The following HACL2 variants were observed in gnomAD, a reference collection of about 807,000 sequenced individuals.
The protein encoded by HACL2 is 2-hydroxyacyl-CoA lyase 1 like.
chr19:15,115,189 T>G, the HACL2 span: 1 of 1,598,864 alleles, frequency 6.3e-7, no homozygotes, highest in Non-Finnish European at 8.6e-7. Flanking sequence ...ATGATGAGAC[T>G]CCAAACCAGC....
At chr19:15,125,078 G>A in the HACL2 span, 2 of 1,523,104 alleles carry the variant, frequency 1.3e-6, no homozygotes, top group Admixed American at 2.2e-5. Context: ...ACCTAAGAGA[G>A]AAAGGGCACT....
At chr19:15,115,303 G>T in the HACL2 span, 1 of 1,614,186 alleles carries the variant, frequency 6.2e-7, no homozygotes, top group South Asian at 1.1e-5. Context: ...TGAGGATGTT[G>T]ACCACAACCG....
chr19:15,120,986 C>T, the HACL2 span, among the ~76,000 whole-genome samples: 2 of 152,006 alleles, frequency 1.3e-5, no homozygotes, highest in Non-Finnish European at 2.9e-5. Flanking sequence ...GAGAGGCAGC[C>T]CAAGAGAGAG....
At chr19:15,116,505 C>T in the HACL2 span, 245 of 1,613,440 alleles carry the variant, frequency 1.5e-4, no homozygotes, top group African/African-American at 9.6e-4. Context: ...AACTTCAGCA[C>T]GAAGGAACCC....
At chr19:15,118,488 ATAGAGACCTGTG>A in the HACL2 span, among the ~76,000 whole-genome samples, 5 of 151,940 alleles carry the variant, frequency 3.3e-5, no homozygotes, top group African/African-American at 1.2e-4. Flanking sequence ...GGAGCCACAC[ATAGAGACCTGTG>A]TAGTTGCCCT....
At chr19:15,115,162 T>C in the HACL2 span, 3 of 1,468,486 alleles carry the variant, frequency 2.0e-6, no homozygotes, top group Non-Finnish European at 2.9e-6. Flanking sequence ...CCTCATGGGA[T>C]AGGCCCAGGG....
the HACL2 span, chr19:15,117,342 C>A: frequency 6.5e-6 from 1 of 154,520 alleles, no homozygotes; most frequent in Admixed American, 6.4e-5. Flanking sequence ...CGTTTTCAAG[C>A]CTCCCTCTGT....
chr19:15,116,370 G>A, the HACL2 span: 1 of 1,613,774 alleles, frequency 6.2e-7, no homozygotes, highest in Non-Finnish European at 8.5e-7. Flanking sequence ...GGGTCTGCCG[G>A]GAACCCCCTT....
chr19:15,122,713 G>A, the HACL2 span: 11 of 1,614,010 alleles, frequency 6.8e-6, no homozygotes, highest in African/African-American at 8.0e-5. This position sits in a 1 kb window ranked among gnomAD's most constrained non-coding sequence, Gnocchi z 4.0. Context: ...CTCGGCCCAC[G>A]AGGCCCTTGG....
chr19:15,123,242 C>T, the HACL2 span: 2 of 1,613,766 alleles, frequency 1.2e-6, no homozygotes, highest in African/African-American at 1.3e-5. The surrounding 1 kb of genome is among the most constrained non-coding windows in gnomAD (Gnocchi z 5.1). Flanking sequence ...CGCCCACCGT[C>T]CCTGGAACAC....
At chr19:15,122,970 A>G in the HACL2 span, 1 of 1,603,864 alleles carries the variant, frequency 6.2e-7, no homozygotes, top group Non-Finnish European at 8.5e-7. This position sits in a 1 kb window ranked among gnomAD's most constrained non-coding sequence, Gnocchi z 4.0. Context: ...ACAGACACAC[A>G]AAACTTACAG....
At chr19:15,122,899 G>A in the HACL2 span, 1 of 1,610,306 alleles carries the variant, frequency 6.2e-7, no homozygotes, top group Non-Finnish European at 8.5e-7. This position sits in a 1 kb window ranked among gnomAD's most constrained non-coding sequence, Gnocchi z 4.0. Context: ...TACCTGGGGT[G>A]CCCGACTGGG....
chr19:15,116,355 C>T, the HACL2 span: 2 of 1,614,004 alleles, frequency 1.2e-6, no homozygotes, highest in Non-Finnish European at 1.7e-6. Context: ...CCAGGGTTGG[C>T]AGCAGGGTCT....
chr19:15,121,899 CTTT>C, the HACL2 span, among the ~76,000 whole-genome samples: 2 of 137,120 alleles, frequency 1.5e-5, no homozygotes, highest in African/African-American at 2.7e-5. Flanking sequence ...GGCTCTGCCA[CTTT>C]TTTTTTTTTT....
chr19:15,116,045 C>T, the HACL2 span: 1 of 1,613,978 alleles, frequency 6.2e-7, no homozygotes, highest in Non-Finnish European at 8.5e-7. Flanking sequence ...GCAAATCCTG[C>T]ACCAACTCCC....
chr19:15,116,577 G>A, the HACL2 span: 1 of 1,409,628 alleles, frequency 7.1e-7, no homozygotes, highest in Non-Finnish European at 9.9e-7. Flanking sequence ...TGTTCTTCCA[G>A]CATCAGAGGC....
the HACL2 span, chr19:15,120,200 G>T: frequency 1.6e-6 from 1 of 623,268 alleles, no homozygotes. Context: ...ATGGGGACAG[G>T]GTGGATGAGT....
chr19:15,115,644 C>T, the HACL2 span: 10 of 1,613,860 alleles, frequency 6.2e-6, no homozygotes, highest in African/African-American at 1.3e-5. Flanking sequence ...CAGCCAGCAT[C>T]ATTCCCTACC....
the HACL2 span, chr19:15,123,426 G>A: frequency 2.7e-5 from 44 of 1,614,198 alleles, no homozygotes; most frequent in East Asian, 6.7e-4. The surrounding 1 kb of genome is among the most constrained non-coding windows in gnomAD (Gnocchi z 5.1). Flanking sequence ...ACCTCATGGC[G>A]TGTGTCCACC....
Sources: allele counts gnomAD v4.1 joint callset (sites outside exome capture counted in the v4.1 genomes callset), GRCh38; gene constraint gnomAD v4.1.1; non-coding constraint Gnocchi (gnomAD v3.1); transcripts MANE v1.5; gene names NCBI Gene and HGNC (gene_info 2026-07-23, HGNC 2026-07-21).